The following RHCE variants were observed in gnomAD, a reference collection of about 807,000 sequenced individuals.
RHCE encodes the protein blood group Rh(CE) polypeptide.
In RHCE, 22 loss-of-function variants were observed where a neutral mutation model predicts 43.8. The observed-to-expected ratio is 0.50, with a 90% CI of 0.36 to 0.72. The LOEUF is 0.72. Ranked by LOEUF, RHCE falls within the 30% of genes least tolerant of loss-of-function variation. The pLI is 0.00. For synonymous variants in RHCE, 156 were observed against 210.7 expected, an observed-to-expected ratio of 0.74 and a Z score of 2.25; for missense variants, 385 against 525.4, an observed-to-expected ratio of 0.73 and a Z score of 2.61.
intron 2 of RHCE, among the ~76,000 whole-genome samples, chr1:25,405,124 G>A (rs908009877): frequency 5.9e-5 from 9 of 151,308 alleles, no homozygotes; most frequent in African/African-American, 1.5e-4. Flanking sequence ...TTTCGGAGCC[G>A]AGGTGGGCAG....
chr1:25,370,915 AT>A (rs77875421), intron 8 of RHCE, among the ~76,000 whole-genome samples: 1,456 of 124,766 alleles, frequency 0.012, 36 homozygotes, highest in African/African-American at 0.032. Flanking sequence ...CATCCAGCTA[AT>A]TTTTTTTTTT....
intron 3 of RHCE, among the ~76,000 whole-genome samples, chr1:25,394,715 G>T (rs1445585672): frequency 1.3e-5 from 2 of 152,152 alleles, no homozygotes; most frequent in Non-Finnish European, 2.9e-5. Context: ...ATGGTAAAAA[G>T]CCCTCAGTCA....
intron 1 of RHCE, among the ~76,000 whole-genome samples, chr1:25,418,945 C>T (rs1347897332): frequency 6.6e-6 from 1 of 152,202 alleles, no homozygotes; most frequent in African/African-American, 2.4e-5. Flanking sequence ...ATAGTGGCTG[C>T]TACACCTACT....
At chr1:25,378,619 C>T (rs1645859200) in intron 7 of RHCE, among the ~76,000 whole-genome samples, 2 of 152,306 alleles carry the variant, frequency 1.3e-5, no homozygotes, top group Non-Finnish European at 1.5e-5. Context: ...ATAAACCCCT[C>T]AGCTACAAAT....
At chr1:25,399,449 ACT>A (rs1646660592) in intron 3 of RHCE, among the ~76,000 whole-genome samples, 1 of 152,042 alleles carries the variant, frequency 6.6e-6, no homozygotes, top group African/African-American at 2.4e-5. Context: ...TTCTTATAAG[ACT>A]CACAGTATAA....
intron 3 of RHCE, among the ~76,000 whole-genome samples, chr1:25,394,258 G>A (rs1245909813): frequency 6.6e-6 from 1 of 151,984 alleles, no homozygotes; most frequent in Non-Finnish European, 1.5e-5. Context: ...CAAAGCGCTG[G>A]GATTACAGGC....
chr1:25,418,189 G>C (rs974243199), intron 1 of RHCE, among the ~76,000 whole-genome samples: 92 of 152,172 alleles, frequency 6.0e-4, no homozygotes, highest in African/African-American at 2.1e-3. Context: ...ACCACATCCG[G>C]CTAATTTTTG....
chr1:25,370,027 C>T (rs893580994), intron 9 of RHCE, among the ~76,000 whole-genome samples: 1 of 151,590 alleles, frequency 6.6e-6, no homozygotes, highest in Non-Finnish European at 1.5e-5. Context: ...GCGTCAGCCA[C>T]CGTGCCCAGC....
intron 1 of RHCE, among the ~76,000 whole-genome samples, chr1:25,419,984 T>C (rs2042723597): frequency 6.9e-6 from 1 of 145,520 alleles, no homozygotes; most frequent in Non-Finnish European, 1.5e-5. Flanking sequence ...TTGAGACCAG[T>C]CTGGGAAACA....
chr1:25,403,136 A>T (rs1321679387), intron 2 of RHCE, among the ~76,000 whole-genome samples: 2 of 151,956 alleles, frequency 1.3e-5, no homozygotes, highest in African/African-American at 4.8e-5. Flanking sequence ...AACAGAGGGC[A>T]CTCTTCCCCC....
rs566721064 is a variant in RHCE at position 25,380,171 on chromosome 1, T to C, written c.1074-4743A>G. On this transcript the variant is annotated intron_variant, in intron 7 of 9. Coordinates refer to ENST00000294413, the MANE Select transcript of RHCE (RefSeq NM_020485.8). ...AGTGGAACAGGCATAGGACAGACAT[T>C]CCCATTCTAAAAGGAAAAAGAGGCA... is the stretch of plus-strand genomic sequence containing the variant. Among the ~76,000 whole-genome samples, 339 of 142,276 alleles carry C rather than the reference T, an allele frequency of 2.4e-3. 2 individuals are homozygous for C. Among genetic ancestry groups the C allele is most frequent in the African/African-American group, 8.5e-3 (324 of 37,946 alleles). 93.3% of individuals were successfully genotyped at this position (142,276 alleles called of 152,430 possible).
chr1:25,380,352 G>C (rs569489657), intron 7 of RHCE, among the ~76,000 whole-genome samples: 25 of 145,518 alleles, frequency 1.7e-4, no homozygotes, highest in Non-Finnish European at 3.2e-4. Flanking sequence ...CTCTGCCCCT[G>C]TGGTTTTGCT....
At position 25,406,254 on chromosome 1, in the gene RHCE, T is replaced by TGCGTGC. The variant is rs1557634193; in HGVS notation, c.335+2428_335+2429insGCACGC. 3.8e-4 allele frequency among the ~76,000 whole-genome samples: 31 copies of TGCGTGC among 82,218 alleles called. 6 individuals are homozygous for TGCGTGC. The highest frequency in any genetic ancestry group is 6.5e-4 in the Non-Finnish European group (28 of 42,928). 53.9% of individuals were successfully genotyped at this position (82,218 alleles called of 152,430 possible). A position where few individuals can be genotyped will look rare whatever the true frequency, so the allele number is the denominator to read the frequency against. The stretch of plus-strand genomic sequence containing the variant: ...GCGGGCGTGCGTGCGTGCGTGCGTG[T>TGCGTGC]GTGTGTGTGTGTGTGTGTGTGTATT... On this transcript the variant is annotated intron_variant, in intron 2 of 9. Coordinates refer to ENST00000294413, the MANE Select transcript of RHCE (RefSeq NM_020485.8).
At chr1:25,414,691 C>G (rs935185861) in intron 1 of RHCE, among the ~76,000 whole-genome samples, 1 of 152,162 alleles carries the variant, frequency 6.6e-6, no homozygotes, top group Non-Finnish European at 1.5e-5. Flanking sequence ...CCAGGATAGT[C>G]TCCCAGTTTG....
chr1:25,390,556 A>G (rs1218560968), intron 5 of RHCE, among the ~76,000 whole-genome samples, 193 bp downstream of exon 5: 3 of 152,202 alleles, frequency 2.0e-5, no homozygotes, highest in African/African-American at 7.2e-5. Context: ...TGATCACTGG[A>G]CAGTCTCCTG....
chr1:25,385,354 T>G (rs1333110719), intron 7 of RHCE: 1 of 384,872 alleles, frequency 2.6e-6, no homozygotes, highest in Non-Finnish European at 5.0e-6. Context: ...CATGCCCAGC[T>G]AGTACGCAGT....
intron 1 of RHCE, among the ~76,000 whole-genome samples, chr1:25,411,720 A>G (rs1001185944): frequency 2.6e-5 from 4 of 152,142 alleles, no homozygotes; most frequent in African/African-American, 9.7e-5. Flanking sequence ...GACATTTTCT[A>G]CAGGGGTTCC....
At chr1:25,382,861 C>G (rs958328958) in intron 7 of RHCE, among the ~76,000 whole-genome samples, 1 of 151,632 alleles carries the variant, frequency 6.6e-6, no homozygotes, top group Non-Finnish European at 1.5e-5. Flanking sequence ...TCCAGAGATG[C>G]TATTAAAAAT....
At chr1:25,409,366 T>C (rs531665976) in intron 1 of RHCE, among the ~76,000 whole-genome samples, 7 of 124,034 alleles carry the variant, frequency 5.6e-5, no homozygotes, top group African/African-American at 1.5e-4. Context: ...CTCTTGTTGT[T>C]GGGAACCACA....
Sources: allele counts gnomAD v4.1 joint callset (sites outside exome capture counted in the v4.1 genomes callset), GRCh38; gene constraint gnomAD v4.1.1; transcripts MANE v1.5; gene names NCBI Gene and HGNC (gene_info 2026-07-23, HGNC 2026-07-21).